The following XKR6 variants were observed in gnomAD, a reference collection of about 807,000 sequenced individuals.
XKR6 encodes XK-related protein 6.
XKR6 carries 22 observed loss-of-function variants against 56.7 expected under a neutral mutation model. The ratio of observed to expected loss-of-function variants is 0.39; its 90% confidence interval spans 0.28 to 0.55. The LOEUF is 0.55. XKR6 is among the 20% of genes least tolerant of loss of function. The pLI, the probability that XKR6 is intolerant of heterozygous loss-of-function variation, is 0.66. For synonymous variants in XKR6, 524 were observed against 387.8 expected (o/e 1.35, Z -4.13); for missense variants, 852 against 889.0 (o/e 0.96, Z 0.53).
At chr8:10,950,850 A>G (rs55691304) in intron 1 of XKR6, among the ~76,000 whole-genome samples, 24,178 of 152,188 alleles carry the variant, frequency 0.16, 2,166 homozygotes, top group Middle Eastern at 0.25. Context: ...CTCAGATGCC[A>G]TCCTATCAAA....
intron 1 of XKR6, among the ~76,000 whole-genome samples, chr8:11,131,606 T>A (rs1182034429): frequency 2.6e-5 from 4 of 152,184 alleles, no homozygotes; most frequent in Non-Finnish European, 5.9e-5. Flanking sequence ...GCCAGTTCTC[T>A]TCCCCTGAAG....
chr8:10,932,542 C>A (rs1413291644), intron 1 of XKR6, among the ~76,000 whole-genome samples: 1 of 140,112 alleles, frequency 7.1e-6, no homozygotes, highest in African/African-American at 2.7e-5. Flanking sequence ...GTCATCTAGC[C>A]TTAGGTATAT....
At chr8:10,930,056 C>A (rs992701862) in intron 1 of XKR6, among the ~76,000 whole-genome samples, 1 of 151,634 alleles carries the variant, frequency 6.6e-6, no homozygotes, top group Non-Finnish European at 1.5e-5. Context: ...GAAGCCACAC[C>A]GTCAGTCATG....
At chr8:11,183,300 G>A (rs973984462) in intron 1 of XKR6, among the ~76,000 whole-genome samples, 2 of 152,056 alleles carry the variant, frequency 1.3e-5, no homozygotes, top group Admixed American at 6.5e-5. Flanking sequence ...TTCCACAGCA[G>A]CTGCCCCATT....
At chr8:11,127,278 A>G (rs1185334671) in intron 1 of XKR6, among the ~76,000 whole-genome samples, 1 of 152,218 alleles carries the variant, frequency 6.6e-6, no homozygotes, top group African/African-American at 2.4e-5. Flanking sequence ...GCCAAGCTCT[A>G]CTGCTTTCTT....
At chr8:11,118,141 C>T (rs959781822) in intron 1 of XKR6, among the ~76,000 whole-genome samples, 63 of 152,026 alleles carry the variant, frequency 4.1e-4, no homozygotes, top group African/African-American at 1.5e-3. Flanking sequence ...AATATTTGTA[C>T]GAGGACATTG....
At chr8:11,177,730 G>A (rs2117072709) in intron 1 of XKR6, among the ~76,000 whole-genome samples, 1 of 152,362 alleles carries the variant, frequency 6.6e-6, no homozygotes, top group South Asian at 2.1e-4. Context: ...TGCCACCCCA[G>A]AAGCTAGGAA....
At position 10,985,620 on chromosome 8, in the gene XKR6, C is replaced by CA. The variant is rs1211300909; in HGVS notation, c.765-60791dup. ...GTTAAAAAAAAAAAAAAAGCAAAAG[C>CA]AAAAAAACAAAACAAAAAACAACAA... On this transcript the variant is annotated intron_variant, in intron 1 of 2. Transcript: ENST00000416569. Among the ~76,000 whole-genome samples, 68 of 148,718 alleles carry CA rather than the reference C, an allele frequency of 4.6e-4. 2 individuals are homozygous for CA. The highest frequency in any genetic ancestry group is 1.6e-3 in the African/African-American group (64 of 40,622).
chr8:11,006,215 G>C (rs1798365664), intron 1 of XKR6, among the ~76,000 whole-genome samples: 2 of 152,182 alleles, frequency 1.3e-5, no homozygotes, highest in Non-Finnish European at 2.9e-5. Context: ...CTAGAGAGTA[G>C]GGTGAGAAAT....
chr8:11,002,184 C>G (rs1388978745), intron 1 of XKR6, among the ~76,000 whole-genome samples: 1 of 152,204 alleles, frequency 6.6e-6, no homozygotes, highest in South Asian at 2.1e-4. Context: ...GCCTCACCCT[C>G]CCCAATCCTG....
intron 2 of XKR6, among the ~76,000 whole-genome samples, chr8:10,903,038 G>A (rs1800084255): frequency 6.6e-6 from 1 of 152,148 alleles, no homozygotes. Flanking sequence ...ACCCCGTTTG[G>A]GAACAGGTTT....
chr8:10,998,015 C>T (rs966856781), intron 1 of XKR6, among the ~76,000 whole-genome samples: 2 of 152,144 alleles, frequency 1.3e-5, no homozygotes, highest in Non-Finnish European at 2.9e-5. Flanking sequence ...AAGGCTGAAG[C>T]CACAGAGGAG....
chr8:11,101,029 G>T (rs2898261), intron 1 of XKR6, among the ~76,000 whole-genome samples: 73,182 of 152,070 alleles, frequency 0.48, 20,245 homozygotes, highest in African/African-American at 0.75. Context: ...CACGCACATC[G>T]GACGAAAGAG....
chr8:11,096,073 G>A (rs543823015), intron 1 of XKR6, among the ~76,000 whole-genome samples: 1 of 152,342 alleles, frequency 6.6e-6, no homozygotes, highest in South Asian at 2.1e-4. Flanking sequence ...AAGAATAAAT[G>A]AGGGAAAATA....
At chr8:11,068,665 A>T (rs1160950333) in intron 1 of XKR6, among the ~76,000 whole-genome samples, 2 of 152,134 alleles carry the variant, frequency 1.3e-5, no homozygotes, top group African/African-American at 2.4e-5. Context: ...TCCTCTGCAC[A>T]CAGCCTGCCC....
intron 1 of XKR6, among the ~76,000 whole-genome samples, chr8:11,100,077 G>A (rs572320639): frequency 6.6e-6 from 1 of 152,262 alleles, no homozygotes; most frequent in South Asian, 2.1e-4. Flanking sequence ...TTTGAGGCAG[G>A]GTCTAACTCT....
At chr8:11,043,942 T>C (rs1023820534) in intron 1 of XKR6, among the ~76,000 whole-genome samples, 2 of 152,282 alleles carry the variant, frequency 1.3e-5, no homozygotes. Context: ...ACTTAAAGAA[T>C]CAACTAAGCT....
At chr8:11,006,026 T>G (rs11250107) in intron 1 of XKR6, among the ~76,000 whole-genome samples, 13,850 of 151,952 alleles carry the variant, frequency 0.091, 1,978 homozygotes, top group African/African-American at 0.3. Flanking sequence ...GTACTTTCAG[T>G]AGAGACGGGG....
chr8:10,994,343 G>A (rs1368435672), intron 1 of XKR6, among the ~76,000 whole-genome samples: 1 of 152,230 alleles, frequency 6.6e-6, no homozygotes, highest in East Asian at 1.9e-4. Context: ...CCTCTCCTGG[G>A]GATGGCACTC....
Sources: allele counts gnomAD v4.1 joint callset (sites outside exome capture counted in the v4.1 genomes callset), GRCh38; gene constraint gnomAD v4.1.1; transcripts MANE v1.5; gene names NCBI Gene and HGNC (gene_info 2026-07-23, HGNC 2026-07-21).